The following GPHN variants were observed in gnomAD, a reference collection of about 807,000 sequenced individuals.
GPHN encodes gephyrin.
A neutral mutation model predicts 95.5 loss-of-function variants in GPHN; 17 were observed. The ratio of observed to expected loss-of-function variants is 0.18; its 90% CI spans 0.12 to 0.27. The LOEUF (loss-of-function observed/expected upper bound fraction) is 0.27, where lower values mean the gene tolerates loss of function less well. Among genes scored for constraint, GPHN ranks in the 10% least tolerant of loss-of-function variants. The pLI is 1.00. For synonymous variants in GPHN, 320 were observed against 322.5 expected (o/e 0.99, Z 0.08); for missense variants, 660 against 978.1 (o/e 0.67, Z 4.34).
intron 5 of GPHN, among the ~76,000 whole-genome samples, chr14:66,893,722 GACAA>G (rs1467387668): frequency 6.6e-6 from 1 of 150,680 alleles, no homozygotes; most frequent in Non-Finnish European, 1.5e-5. Context: ...ACCAATAACA[GACAA>G]ACAGAGAGCC....
chr14:66,859,709 A>G (rs1460799832), intron 4 of GPHN, among the ~76,000 whole-genome samples: 1 of 152,230 alleles, frequency 6.6e-6, no homozygotes, highest in Non-Finnish European at 1.5e-5. Flanking sequence ...ATTTTGAGGA[A>G]ACTCAAATTC....
chr14:67,546,129 C>A, the GPHN span, among the ~76,000 whole-genome samples: 1 of 152,044 alleles, frequency 6.6e-6, no homozygotes, highest in Non-Finnish European at 1.5e-5. Flanking sequence ...GAAAATGTAA[C>A]CCAGGTATTT....
intron 10 of GPHN, among the ~76,000 whole-genome samples, chr14:67,045,691 G>A (rs1213485340): frequency 1.4e-5 from 2 of 144,778 alleles, no homozygotes; most frequent in Non-Finnish European, 3.0e-5. Context: ...TGGTCTCAGT[G>A]TCTCTCTCTG....
chr14:67,437,449 T>G, the GPHN span, among the ~76,000 whole-genome samples: 1 of 152,068 alleles, frequency 6.6e-6, no homozygotes, highest in Non-Finnish European at 1.5e-5. Flanking sequence ...CAGACCAAGT[T>G]AGGAGATTTC....
the GPHN span, among the ~76,000 whole-genome samples, chr14:67,671,519 C>G: frequency 2.6e-5 from 4 of 151,806 alleles, no homozygotes; most frequent in Non-Finnish European, 5.9e-5. Flanking sequence ...GAGCAAGACT[C>G]TATCTCAAAA....
chr14:67,208,559 A>G, the GPHN span: 4 of 1,150,310 alleles, frequency 3.5e-6, no homozygotes, highest in Non-Finnish European at 4.8e-6. Context: ...ATTCTCAGAG[A>G]CAGATGTAGT....
the GPHN span, among the ~76,000 whole-genome samples, chr14:67,502,630 T>C: frequency 1.3e-5 from 2 of 151,954 alleles, no homozygotes; most frequent in African/African-American, 4.8e-5. Flanking sequence ...TTTTGTACTT[T>C]TAGTAGAGAC....
chr14:67,132,810 C>G (rs1162644263), intron 17 of GPHN, among the ~76,000 whole-genome samples: 1 of 151,638 alleles, frequency 6.6e-6, no homozygotes, highest in South Asian at 2.1e-4. Context: ...CCAACTAATT[C>G]TAATCATTCT....
At chr14:67,125,226 G>A (rs1189627655) in intron 17 of GPHN, among the ~76,000 whole-genome samples, 2 of 152,114 alleles carry the variant, frequency 1.3e-5, no homozygotes, top group Admixed American at 1.3e-4. Flanking sequence ...GTGGAATGTG[G>A]GAGGAAAGAA....
chr14:66,524,319 A>T (rs972316654), intron 1 of GPHN, among the ~76,000 whole-genome samples: 1 of 152,028 alleles, frequency 6.6e-6, no homozygotes, highest in Non-Finnish European at 1.5e-5. Flanking sequence ...GTAGATGAGG[A>T]CCTTATATGT....
At chr14:67,089,938 C>A (rs2077079376) in intron 12 of GPHN, among the ~76,000 whole-genome samples, 1 of 152,048 alleles carries the variant, frequency 6.6e-6, no homozygotes, top group Admixed American at 6.6e-5. Context: ...TTTGTTTTTC[C>A]ATGTACAACA....
chr14:67,408,547 G>A, the GPHN span, among the ~76,000 whole-genome samples: 1 of 152,094 alleles, frequency 6.6e-6, no homozygotes, highest in Non-Finnish European at 1.5e-5. Context: ...ATTGACTGGT[G>A]TCCTTATAGG....
At chr14:66,720,295 T>C (rs1307152964) in intron 2 of GPHN, among the ~76,000 whole-genome samples, 1 of 152,180 alleles carries the variant, frequency 6.6e-6, no homozygotes, top group East Asian at 1.9e-4. Flanking sequence ...AGCTCACTCC[T>C]GTAATCCCAG....
At chr14:67,374,353 A>C in the GPHN span, 1 of 538,706 alleles carries the variant, frequency 1.9e-6, no homozygotes, top group Non-Finnish European at 3.3e-6. Context: ...ATAGGATTTT[A>C]GTAGGAAATA....
chr14:66,988,756 T>G (rs2071197734), intron 9 of GPHN, among the ~76,000 whole-genome samples: 1 of 152,040 alleles, frequency 6.6e-6, no homozygotes. Flanking sequence ...TAGTTCAGAC[T>G]ATCAAGATTT....
the GPHN span, chr14:67,447,222 G>T: frequency 6.6e-6 from 1 of 152,150 alleles, no homozygotes; most frequent in Non-Finnish European, 1.5e-5. Flanking sequence ...TCCTTACATG[G>T]TGAGATGAGG....
chr14:67,615,844 C>T, the GPHN span: 1 of 621,020 alleles, frequency 1.6e-6, no homozygotes, highest in Non-Finnish European at 3.0e-6. Flanking sequence ...CTGGCCTGTC[C>T]ATTGGTGATT....
rs541506785 is a variant in GPHN, at chr14:66,748,711, G to A, written c.144-27753G>A. ...TATATATGTAGTGAGAGATATTAGAGATGGGACCCAAATCTAAACATTAAA... is the reference window on the plus strand; with the variant it reads ...TATATATGTAGTGAGAGATATTAGAAATGGGACCCAAATCTAAACATTAAA... On this transcript the variant is annotated intron_variant, in intron 2 of 22. Coordinates refer to ENST00000478722, the MANE Select transcript of GPHN (RefSeq NM_020806.5). Among the ~76,000 whole-genome samples, 43 of 152,014 alleles carry A rather than the reference G, an allele frequency of 2.8e-4. No homozygotes were observed. The East Asian group carries it at 8.1e-3, about 29-fold the overall frequency.
At chr14:67,613,322 G>C in the GPHN span, 1 of 152,284 alleles carries the variant, frequency 6.6e-6, no homozygotes, top group African/African-American at 2.4e-5. Flanking sequence ...GATTATCTGC[G>C]ACTAGGAGTT....
Sources: gnomAD v4.1 joint callset for allele counts (sites outside exome capture counted in the v4.1 genomes callset) on GRCh38, gnomAD v4.1.1 for gene constraint, MANE v1.5 for transcripts, NCBI Gene and HGNC (gene_info 2026-07-23, HGNC 2026-07-21) for gene names.